Variants in RPL21 observed in about 807,000 individuals in gnomAD.
The protein encoded by RPL21 is ribosomal protein L21, also known as large ribosomal subunit protein eL21.
Under a neutral mutation model 21.2 loss-of-function variants are expected in RPL21, and 1 was observed. That is an observed-to-expected ratio of 0.05 (90% CI 0.02 to 0.22). RPL21 has a LOEUF of 0.22. Ranked by LOEUF, RPL21 falls within the 10% of genes least tolerant of loss-of-function variation. The pLI is 1.00. For synonymous variants in RPL21, 52 were observed against 62.9 expected, an observed-to-expected ratio of 0.83 and a Z score of 0.82; for missense variants, 113 against 199.4, an observed-to-expected ratio of 0.57 and a Z score of 2.61.
intron 3 of RPL21, 42 bp from the exon 4 acceptor site, chr13:27,255,200 G>A (rs1296269781): frequency 4.7e-6 from 4 of 845,698 alleles, no homozygotes; most frequent in Non-Finnish European, 8.4e-6. Flanking sequence ...GAATTTTAAA[G>A]GAAGGGGAAA....
At chr13:27,255,615 T>C in intron 4 of RPL21, 1 of 565,058 alleles carries the variant, frequency 1.8e-6, no homozygotes. Context: ...TCTGTCGCCC[T>C]GGCTGGAGTG....
At chr13:27,256,403 A>G (rs775174338) in intron 5 of RPL21, 33 bp from the exon 6 acceptor site, 7 of 1,563,152 alleles carry the variant, frequency 4.5e-6, no homozygotes, top group Non-Finnish European at 5.3e-6. Context: ...ACATCACATA[A>G]TTATTTTATT....
intron 1 of RPL21, among the ~76,000 whole-genome samples, chr13:27,252,824 T>C (rs1881713408): frequency 6.6e-6 from 1 of 152,220 alleles, no homozygotes; most frequent in Non-Finnish European, 1.5e-5. Context: ...AAAGGATTGT[T>C]GGTAAACTTA....
At chr13:27,255,172 T>TACA in intron 3 of RPL21, 70 bp from the exon 4 acceptor site, 1 of 792,506 alleles carries the variant, frequency 1.3e-6, no homozygotes, top group South Asian at 1.3e-5. Flanking sequence ...TAGAATACTT[T>TACA]GCAGTTACTT....
chr13:27,256,115 C>T (rs1161240810), intron 4 of RPL21, 69 bp from the exon 5 acceptor site: 1 of 1,229,410 alleles, frequency 8.1e-7, no homozygotes, highest in African/African-American at 1.5e-5. Flanking sequence ...AATGAAACTG[C>T]AAAATCAGTT....
chr13:27,256,108 G>GA, intron 4 of RPL21, 76 bp from the exon 5 acceptor site: 1 of 1,128,240 alleles, frequency 8.9e-7, no homozygotes. Flanking sequence ...TTTAATAAAT[G>GA]AAACTGCAAA....
chr13:27,254,192 A>G, intron 2 of RPL21, 28 bp from the exon 3 acceptor site: 1 of 1,417,986 alleles, frequency 7.1e-7, no homozygotes. Flanking sequence ...TAGCCTTAAT[A>G]CTCACTATAC....
intron 1 of RPL21, among the ~76,000 whole-genome samples, chr13:27,252,768 C>T (rs1326528219): frequency 6.6e-6 from 1 of 152,162 alleles, no homozygotes. Flanking sequence ...AACATGTCTT[C>T]TTGCTATACA....
Position 27,256,294 on chromosome 13 carries a change from A to C in RPL21, c.353A>C (p.Glu118Ala). The C allele has an allele frequency of 6.2e-7, 1 of 1,607,938 alleles. No homozygotes were observed. Among genetic ancestry groups the C allele is most frequent in the Non-Finnish European group, 8.5e-7 (1 of 1,176,118 alleles). ...RVKENDQKKK[E>A]AKEKGTWVQL... Reference sequence around the variant, plus strand: ...AAGGAAAATGATCAGAAAAAGAAAGAAGCCAAAGAGAAAGGTACCTGGGTT... The same window carrying C: ...AAGGAAAATGATCAGAAAAAGAAAGCAGCCAAAGAGAAAGGTACCTGGGTT... The change falls in exon 5 of 6, where the codon GAA (glutamate) becomes GCA (alanine). Residue 118 changes from glutamate to alanine, a missense_variant. Glu to Ala is a moderately radical substitution (Grantham distance 107). Coordinates refer to ENST00000311549, the MANE Select transcript of RPL21 (RefSeq NM_000982.4).
At chr13:27,252,787 A>C (rs967540563) in intron 1 of RPL21, among the ~76,000 whole-genome samples, 1 of 152,222 alleles carries the variant, frequency 6.6e-6, no homozygotes, top group African/African-American at 2.4e-5. Context: ...CAATTTTTAT[A>C]AAAATGGTAC....
chr13:27,252,185 A>C (rs905338331), intron 1 of RPL21, among the ~76,000 whole-genome samples: 2 of 152,102 alleles, frequency 1.3e-5, no homozygotes, highest in Admixed American at 6.5e-5. Context: ...GCATAAGACG[A>C]TTTCCGACTG....
chr13:27,252,774 A>G (rs1881711952), intron 1 of RPL21, among the ~76,000 whole-genome samples: 1 of 152,222 alleles, frequency 6.6e-6, no homozygotes, highest in Non-Finnish European at 1.5e-5. Flanking sequence ...TCTTCTTGCT[A>G]TACAATTTTT....
At chr13:27,253,412 T>C (rs1881741605) in intron 1 of RPL21, among the ~76,000 whole-genome samples, 1 of 152,274 alleles carries the variant, frequency 6.6e-6, no homozygotes, top group Non-Finnish European at 1.5e-5. Flanking sequence ...AATTATCTTC[T>C]AGTTAGTAAT....
At position 27,256,198 on chromosome 13, in the gene RPL21, C is replaced by A. The variant is rs1313131058; in HGVS notation, c.257C>A (p.Ala86Asp). The stretch of plus-strand genomic sequence containing the variant: ...GCTCTGTCCAGGGGCAAGATTCTTG[C>A]CAAGAGAATTAATGTGCGTATTGAG... ...VNKQVKGKIL[A>D]KRINVRIEHI... Residue 86 changes from alanine (A) to aspartate (D), a missense_variant, in exon 5 of 6, where the codon GCC becomes GAC. Transcript: ENST00000311549. 3 of 1,593,302 alleles carry A rather than the reference C, an allele frequency of 1.9e-6. No homozygotes were observed. The highest frequency in any genetic ancestry group is 2.6e-6 in the Non-Finnish European group (3 of 1,168,084).
chr13:27,255,920 T>G (rs961010893), intron 4 of RPL21: 8 of 403,674 alleles, frequency 2.0e-5, no homozygotes, highest in African/African-American at 1.6e-4. Context: ...CTTTTAAATT[T>G]TATTAGCAGT....
rs149649479 is a variant in RPL21 at position 27,252,001 on chromosome 13, C to T, written c.-13+416C>T. ...CTCCTTTCAGTGTGGCTTTTTTATTCCAAATCTTGCGATGATGTTGGGTGA... is the reference window on the plus strand; with the variant it reads ...CTCCTTTCAGTGTGGCTTTTTTATTTCAAATCTTGCGATGATGTTGGGTGA... On this transcript the variant is annotated intron_variant, in intron 1 of 5. Transcript: ENST00000311549. Among the ~76,000 whole-genome samples, 1,256 of 152,116 alleles carry T rather than the reference C, an allele frequency of 8.3e-3. 13 individuals carry two copies. The highest frequency in any genetic ancestry group is 0.024 in the Middle Eastern group (7 of 294).
intron 1 of RPL21, among the ~76,000 whole-genome samples, chr13:27,253,206 A>G (rs1209964102): frequency 6.6e-6 from 1 of 152,202 alleles, no homozygotes; most frequent in Non-Finnish European, 1.5e-5. Flanking sequence ...AATTTAGGTC[A>G]ATGATTATAA....
chr13:27,254,148 C>A, intron 2 of RPL21, 72 bp from the exon 3 acceptor site: 1 of 918,600 alleles, frequency 1.1e-6, no homozygotes, highest in Non-Finnish European at 1.8e-6. Flanking sequence ...GTGTTAAAAG[C>A]TAGTAAAATT....
At chr13:27,255,088 G>T (rs775926139) in intron 3 of RPL21, 154 bp from the exon 4 acceptor site, 4 of 764,540 alleles carry the variant, frequency 5.2e-6, no homozygotes, top group African/African-American at 3.4e-5. Context: ...TGTTTTTTTT[G>T]ATTGCTTGAA....
Sources: gnomAD v4.1 joint callset for allele counts (sites outside exome capture counted in the v4.1 genomes callset) on GRCh38, gnomAD v4.1.1 for gene constraint, MANE v1.5 for transcripts, NCBI Gene and HGNC (gene_info 2026-07-23, HGNC 2026-07-21) for gene names.